ASTN2: variants seen among roughly 807,000 people sequenced by gnomAD.
ASTN2 encodes the protein astrotactin-2.
ASTN2 carries 54 observed loss-of-function variants against 139.8 expected under a neutral mutation model. The ratio of observed to expected loss-of-function variants is 0.39; its 90% CI spans 0.31 to 0.48. ASTN2 has a LOEUF of 0.48. Among genes scored for constraint, ASTN2 ranks in the 20% least tolerant of loss-of-function variants. The probability of loss-of-function intolerance (pLI) is 0.95; values close to 1 mark genes in which losing one functional copy is unlikely to be tolerated. For missense variants in ASTN2, 1,565 were observed against 1,725.1 expected (o/e 0.91, Z 1.64); for synonymous variants, 756 against 719.5 (o/e 1.05, Z -0.81).
intron 10 of ASTN2, among the ~76,000 whole-genome samples, chr9:116,918,211 T>A (rs1034748334): frequency 6.6e-6 from 1 of 152,180 alleles, no homozygotes; most frequent in African/African-American, 2.4e-5. Context: ...ATATATGGAC[T>A]GATACAGTAC....
At position 116,725,790 on chromosome 9, in the gene ASTN2, C is replaced by T. The variant is rs537043976; in HGVS notation, c.2787G>A (p.Leu929=). The change falls in exon 16 of 23, where the codon CTG becomes CTA. Residue 929 remains leucine (L), a synonymous_variant. Transcript: ENST00000313400. The part of the protein sequence containing the change: ...HFPSKKVQQQ[L]WLQYQKETTE... ...GCTTACCTTTCTGATACTGGAGCCA[C>T]AGCTGCTGCTGGACCTTCTTGCTGG... is the stretch of plus-strand genomic sequence containing the variant. 3.1e-6 allele frequency: 5 copies of T among 1,613,548 alleles called. No homozygotes were observed. The African/African-American group carries it at 6.7e-5, about 22-fold the overall frequency.
rs918052208 is a variant in ASTN2, at chr9:116,423,716, G to A, written c.*2135C>T. 6.6e-6 allele frequency among the ~76,000 whole-genome samples: 1 copy of A among 152,246 alleles called. No homozygotes were observed. The highest frequency in any genetic ancestry group is 1.9e-4 in the East Asian group (1 of 5,168). ...TAGAGCTTAGATTGTGAGAGGTTGA[G>A]AAGCTTCCCAGGCACCAAGGTTGGA... On this transcript the variant is annotated 3_prime_UTR_variant, in exon 23 of 23. Transcript: ENST00000313400.
intron 19 of ASTN2, among the ~76,000 whole-genome samples, chr9:116,586,663 C>G (rs12341354): frequency 0.21 from 31,651 of 151,708 alleles, 4,341 homozygotes; most frequent in African/African-American, 0.38. Flanking sequence ...GGGAGAGATC[C>G]GGCTCAAAAA....
chr9:117,209,960 G>A lies in ASTN2; in HGVS notation c.1015+4398C>T, dbSNP rs138545345. Among the ~76,000 whole-genome samples, 326 of 152,224 alleles carry A rather than the reference G, an allele frequency of 2.1e-3. 1 individual carries two copies. The highest frequency in any genetic ancestry group is 6.8e-3 in the Middle Eastern group (2 of 294). On this transcript the variant is annotated intron_variant, in intron 3 of 22. Transcript: ENST00000313400. ...AATAAGATGCTCCTGAATGACCAAT[G>A]AGTGAAGGAAGAAATTAAGAATAAA...
chr9:117,030,753 T>C (rs1382052500), intron 6 of ASTN2, among the ~76,000 whole-genome samples: 15 of 150,894 alleles, frequency 9.9e-5, no homozygotes, highest in Admixed American at 9.9e-4. Context: ...AATGAAGAGA[T>C]TTGAAGAAAA....
At chr9:116,841,407 A>ATTTTAT (rs1832255392) in intron 11 of ASTN2, among the ~76,000 whole-genome samples, 1 of 152,032 alleles carries the variant, frequency 6.6e-6, no homozygotes, top group Non-Finnish European at 1.5e-5. Context: ...ACTGACTCTA[A>ATTTTAT]TTTTATTTTT....
intron 13 of ASTN2, among the ~76,000 whole-genome samples, chr9:116,750,465 A>G (rs1257877371): frequency 6.6e-6 from 1 of 152,162 alleles, no homozygotes; most frequent in African/African-American, 2.4e-5. Flanking sequence ...CTTTCCATAT[A>G]GCCACCTCTA....
intron 5 of ASTN2, among the ~76,000 whole-genome samples, chr9:117,092,582 C>T (rs1032625393): frequency 1.3e-5 from 2 of 152,206 alleles, no homozygotes; most frequent in African/African-American, 4.8e-5. Flanking sequence ...CACAGCTCAG[C>T]TCCTATTTTT....
At chr9:116,737,610 CGT>C (rs57891581) in intron 13 of ASTN2, among the ~76,000 whole-genome samples, 4,910 of 137,244 alleles carry the variant, frequency 0.036, 128 homozygotes, top group African/African-American at 0.079. Context: ...CATGTGCCAA[CGT>C]GTGTGTGTGT....
chr9:116,484,226 T>A (rs1327658087), intron 20 of ASTN2, among the ~76,000 whole-genome samples: 1 of 152,198 alleles, frequency 6.6e-6, no homozygotes, highest in African/African-American at 2.4e-5. Context: ...AGGCTGCCTA[T>A]ATGCCAATAA....
intron 10 of ASTN2, among the ~76,000 whole-genome samples, chr9:116,872,394 T>G (rs367717791): frequency 6.6e-6 from 1 of 152,120 alleles, no homozygotes; most frequent in Non-Finnish European, 1.5e-5. Context: ...CCCTCAAAGT[T>G]GCAAGAACCA....
At position 117,082,463 on chromosome 9, in the gene ASTN2, G is replaced by A. The variant is rs529811765; in HGVS notation, c.1276+13581C>T. On this transcript the variant is annotated intron_variant, in intron 5 of 22. Coordinates refer to ENST00000313400, the MANE Select transcript of ASTN2 (RefSeq NM_001365068.1). ...CTCCTAACTAGTCTCCCTACCTTCA[G>A]TCTCACTCTCTTCCAGTTCTTTCTC... Among the ~76,000 whole-genome samples the A allele has an allele frequency of 1.6e-4, 25 of 152,196 alleles. No homozygotes were observed. The South Asian group carries it at 5.0e-3, about 30-fold the overall frequency.
chr9:116,680,582 T>G (rs548190237), intron 16 of ASTN2, among the ~76,000 whole-genome samples: 3 of 152,222 alleles, frequency 2.0e-5, no homozygotes, highest in African/African-American at 7.2e-5. Flanking sequence ...AAAGGAGAAT[T>G]TTAGATCAAT....
At chr9:116,820,330 G>C (rs1389571225) in intron 12 of ASTN2, among the ~76,000 whole-genome samples, 3 of 152,224 alleles carry the variant, frequency 2.0e-5, no homozygotes, top group Non-Finnish European at 4.4e-5. Context: ...AGGGCAGGAG[G>C]CTTCAGCAGG....
intron 10 of ASTN2, among the ~76,000 whole-genome samples, chr9:116,960,657 A>C (rs536799582): frequency 1.3e-5 from 2 of 151,456 alleles, no homozygotes; most frequent in East Asian, 3.9e-4. Context: ...CCCAGTTGTA[A>C]CCCCCCAGAA....
chr9:116,440,996 C>T (rs1847823874), intron 21 of ASTN2, among the ~76,000 whole-genome samples: 1 of 152,096 alleles, frequency 6.6e-6, no homozygotes, highest in Non-Finnish European at 1.5e-5. Flanking sequence ...GATGTCTATT[C>T]TGGAGGTGCA....
At chr9:116,921,949 C>T (rs1308457664) in intron 10 of ASTN2, among the ~76,000 whole-genome samples, 4 of 152,090 alleles carry the variant, frequency 2.6e-5, no homozygotes, top group African/African-American at 4.8e-5. Flanking sequence ...CATATCAGGG[C>T]CCCACATCCA....
At chr9:116,504,645 T>C (rs867063164) in intron 19 of ASTN2, among the ~76,000 whole-genome samples, 1 of 152,158 alleles carries the variant, frequency 6.6e-6, no homozygotes, top group Non-Finnish European at 1.5e-5. Flanking sequence ...CAATGTTAGA[T>C]ACTATGCCTA....
chr9:116,453,538 G>A (rs966159417), intron 20 of ASTN2, among the ~76,000 whole-genome samples: 6 of 142,316 alleles, frequency 4.2e-5, no homozygotes, highest in East Asian at 2.1e-4. Context: ...AGCTTGCAGC[G>A]AGCTGAGATC....
Sources: gnomAD v4.1 joint callset for allele counts (sites outside exome capture counted in the v4.1 genomes callset) on GRCh38, gnomAD v4.1.1 for gene constraint, MANE v1.5 for transcripts, NCBI Gene and HGNC (gene_info 2026-07-23, HGNC 2026-07-21) for gene names.